CFAP299: variants seen among roughly 807,000 people sequenced by gnomAD.
CFAP299 encodes the protein cilia- and flagella-associated protein 299.
CFAP299 carries 21 observed loss-of-function variants against 27.0 expected under a neutral mutation model. The observed-to-expected ratio is 0.78, with a 90% CI of 0.55 to 1.12. The LOEUF (loss-of-function observed/expected upper bound fraction) is 1.12, where lower values mean the gene tolerates loss of function less well. Among genes scored for constraint, CFAP299 ranks in the 50% most tolerant of loss-of-function variants. CFAP299 has a pLI of 0.00. For synonymous variants in CFAP299, 104 were observed against 98.1 expected (o/e 1.06, Z -0.36); for missense variants, 310 against 276.6 (o/e 1.12, Z -0.86).
chr4:80,855,299 T>C (rs1731783612), intron 3 of CFAP299, among the ~76,000 whole-genome samples: 1 of 152,178 alleles, frequency 6.6e-6, no homozygotes, highest in Non-Finnish European at 1.5e-5. Flanking sequence ...CAATGATATA[T>C]GATGTAATTA....
At chr4:80,579,287 A>G (rs1473400922) in intron 2 of CFAP299, among the ~76,000 whole-genome samples, 1 of 152,208 alleles carries the variant, frequency 6.6e-6, no homozygotes, top group East Asian at 1.9e-4. Flanking sequence ...TACACGCCTT[A>G]GAAGGCGCAA....
intron 2 of CFAP299, among the ~76,000 whole-genome samples, chr4:80,571,019 C>T (rs563885416): frequency 3.0e-4 from 45 of 152,012 alleles, no homozygotes; most frequent in African/African-American, 9.9e-4. Flanking sequence ...TACACCATAT[C>T]GTTTAGGGGT....
At chr4:80,764,173 G>A (rs1300062522) in intron 3 of CFAP299, among the ~76,000 whole-genome samples, 2 of 151,676 alleles carry the variant, frequency 1.3e-5, no homozygotes, top group African/African-American at 2.4e-5. Context: ...GCAACCTACA[G>A]AATGGTAGAA....
intron 2 of CFAP299, among the ~76,000 whole-genome samples, chr4:80,571,335 T>C (rs1388586614): frequency 6.6e-6 from 1 of 152,104 alleles, no homozygotes; most frequent in Non-Finnish European, 1.5e-5. Context: ...GGCCTTTTTG[T>C]GGTTATCTGG....
chr4:80,458,140 A>G (rs1427917140), intron 2 of CFAP299, among the ~76,000 whole-genome samples: 1 of 152,206 alleles, frequency 6.6e-6, no homozygotes, highest in Non-Finnish European at 1.5e-5. Flanking sequence ...GAAAAATGGA[A>G]AAACAATAGC....
chr4:80,577,718 A>C (rs1490930784), intron 2 of CFAP299, among the ~76,000 whole-genome samples: 1 of 152,136 alleles, frequency 6.6e-6, no homozygotes, highest in Non-Finnish European at 1.5e-5. Flanking sequence ...CATCTTAATG[A>C]TTAATCAAAC....
intron 2 of CFAP299, among the ~76,000 whole-genome samples, chr4:80,531,832 C>A (rs547496600): frequency 6.7e-6 from 1 of 149,644 alleles, no homozygotes; most frequent in South Asian, 2.1e-4. Context: ...CGGCTCACTG[C>A]AACCTCTGTC....
intron 2 of CFAP299, among the ~76,000 whole-genome samples, chr4:80,498,914 A>C (rs1280150651): frequency 2.0e-5 from 3 of 152,222 alleles, no homozygotes; most frequent in African/African-American, 7.2e-5. Context: ...TTATACAGCC[A>C]TAAACAAGAG....
At chr4:80,684,772 A>C (rs1440507114) in intron 3 of CFAP299, among the ~76,000 whole-genome samples, 2 of 152,106 alleles carry the variant, frequency 1.3e-5, no homozygotes, top group Non-Finnish European at 2.9e-5. Context: ...TTCACATTAC[A>C]GTCACTGTCA....
At chr4:80,413,750 C>CTTTTTTTTTTTTTTTT (rs66780627) in intron 2 of CFAP299, among the ~76,000 whole-genome samples, 8 of 108,306 alleles carry the variant, frequency 7.4e-5, no homozygotes, top group Admixed American at 1.1e-4. Flanking sequence ...TTGTGTCATT[C>CTTTTTTTTTTTTTTTT]TTTTTTTTTT....
chr4:80,349,628 A>G (rs911659685), intron 1 of CFAP299, among the ~76,000 whole-genome samples: 4 of 152,340 alleles, frequency 2.6e-5, no homozygotes, highest in Middle Eastern at 6.8e-3. Flanking sequence ...ATGATTTGTT[A>G]TAGGACTGCA....
At chr4:80,336,024 C>T (rs1722123354) in intron 1 of CFAP299, 145 bp downstream of exon 1, 3 of 615,576 alleles carry the variant, frequency 4.9e-6, no homozygotes, top group African/African-American at 1.8e-5. Flanking sequence ...ACTAAAGCCG[C>T]TGGCGAGGTG....
intron 3 of CFAP299, among the ~76,000 whole-genome samples, chr4:80,683,528 T>G (rs926601345): frequency 1.3e-5 from 2 of 152,222 alleles, no homozygotes; most frequent in African/African-American, 4.8e-5. Context: ...TAACCTATTA[T>G]GGATCCATTG....
intron 3 of CFAP299, among the ~76,000 whole-genome samples, chr4:80,648,659 G>T (rs1032380712): frequency 2.6e-5 from 4 of 152,078 alleles, no homozygotes; most frequent in African/African-American, 9.7e-5. Flanking sequence ...AGAAAATTGA[G>T]AAATAAGTAA....
intron 3 of CFAP299, among the ~76,000 whole-genome samples, chr4:80,781,108 C>T (rs1726851039): frequency 6.6e-6 from 1 of 151,900 alleles, no homozygotes; most frequent in African/African-American, 2.4e-5. Flanking sequence ...AAGAAAAATT[C>T]AGTTGCCTTC....
intron 3 of CFAP299, among the ~76,000 whole-genome samples, chr4:80,776,929 C>G (rs1386813540): frequency 6.6e-6 from 1 of 151,420 alleles, no homozygotes; most frequent in Non-Finnish European, 1.5e-5. Flanking sequence ...TGATTATAAC[C>G]CTATAAATAA....
In CFAP299 at chr4:80,686,620, G is replaced by A. The variant is rs571291026; in HGVS notation, c.333+103437G>A. 2.0e-5 allele frequency among the ~76,000 whole-genome samples: 3 copies of A among 152,258 alleles called. No homozygotes were observed. The South Asian group carries it at 6.2e-4, about 32-fold the overall frequency. On this transcript the variant is annotated intron_variant, in intron 3 of 5. Coordinates refer to ENST00000358105, the MANE Select transcript of CFAP299 (RefSeq NM_152770.3). ...CTGTGGGGTTCACAGTATAGTGGCAGGAAATGAATGCAGCACCAAATTCCA... is the reference window on the plus strand; with the variant it reads ...CTGTGGGGTTCACAGTATAGTGGCAAGAAATGAATGCAGCACCAAATTCCA...
At chr4:80,623,004 C>CT (rs910993290) in intron 3 of CFAP299, among the ~76,000 whole-genome samples, 7 of 152,078 alleles carry the variant, frequency 4.6e-5, no homozygotes, top group Admixed American at 6.6e-5. Flanking sequence ...CAACATGTCA[C>CT]TTTTTTTAAA....
chr4:80,458,484 A>G (rs1347457823), intron 2 of CFAP299, among the ~76,000 whole-genome samples: 1 of 152,160 alleles, frequency 6.6e-6, no homozygotes, highest in Non-Finnish European at 1.5e-5. Context: ...CTGCCTTTTT[A>G]AAAAAATCTC....
Sources: allele counts gnomAD v4.1 joint callset (sites outside exome capture counted in the v4.1 genomes callset), GRCh38; gene constraint gnomAD v4.1.1; transcripts MANE v1.5; gene names NCBI Gene and HGNC (gene_info 2026-07-23, HGNC 2026-07-21).